The following SPAG16 variants were observed in gnomAD, a reference collection of about 807,000 sequenced individuals.
SPAG16 encodes sperm associated antigen 16.
In SPAG16, 86 loss-of-function variants were observed where a neutral mutation model predicts 80.4. That is an observed-to-expected ratio of 1.07 (90% confidence interval 0.90 to 1.28). The LOEUF (loss-of-function observed/expected upper bound fraction) is 1.28. Ranked by LOEUF, SPAG16 falls within the 50% of genes most tolerant of loss-of-function variation. The pLI is 0.00. For missense variants in SPAG16, 870 were observed against 765.3 expected (o/e 1.14, Z -1.61); for synonymous variants, 294 against 265.9 (o/e 1.11, Z -1.03).
intron 15 of SPAG16, among the ~76,000 whole-genome samples, chr2:214,173,729 G>A (rs913918603): frequency 1.3e-5 from 2 of 151,756 alleles, no homozygotes; most frequent in African/African-American, 4.8e-5. Context: ...ATTTTATGAG[G>A]CCAGCATCAT....
At chr2:214,038,281 G>A (rs554564235) in intron 13 of SPAG16, among the ~76,000 whole-genome samples, 2 of 151,950 alleles carry the variant, frequency 1.3e-5, no homozygotes, top group African/African-American at 4.8e-5. Flanking sequence ...ACATGTTTCT[G>A]TGTTGTTTGC....
intron 10 of SPAG16, among the ~76,000 whole-genome samples, chr2:213,681,894 G>A (rs2064406546): frequency 6.6e-6 from 1 of 152,084 alleles, no homozygotes; most frequent in Non-Finnish European, 1.5e-5. Context: ...CTAAAGATGT[G>A]AAGTTTTCTT....
chr2:213,518,864 A>G (rs566843664), intron 10 of SPAG16, among the ~76,000 whole-genome samples: 14 of 152,368 alleles, frequency 9.2e-5, no homozygotes, highest in South Asian at 2.1e-4. Context: ...AATATTATAC[A>G]TATACACTGT....
intron 10 of SPAG16, among the ~76,000 whole-genome samples, chr2:213,574,698 A>G (rs1181015633): frequency 6.7e-6 from 1 of 148,404 alleles, no homozygotes; most frequent in Non-Finnish European, 1.5e-5. Context: ...TATATATGAT[A>G]TATGATATAT....
intron 10 of SPAG16, among the ~76,000 whole-genome samples, chr2:213,555,298 C>T (rs1182583434): frequency 6.6e-6 from 1 of 152,172 alleles, no homozygotes; most frequent in Non-Finnish European, 1.5e-5. Context: ...ATAATCCTCA[C>T]ACATCAAGGG....
At chr2:213,587,705 TC>T (rs1273612125) in intron 10 of SPAG16, among the ~76,000 whole-genome samples, 1 of 152,206 alleles carries the variant, frequency 6.6e-6, no homozygotes, top group East Asian at 1.9e-4. Flanking sequence ...AGTGTTGCTT[TC>T]CTTCAGATTA....
intron 9 of SPAG16, among the ~76,000 whole-genome samples, chr2:213,394,754 T>A (rs2067947205): frequency 6.6e-6 from 1 of 152,216 alleles, no homozygotes; most frequent in Non-Finnish European, 1.5e-5. Flanking sequence ...ATCCAAGATG[T>A]TGTGTGGATC....
At chr2:213,714,411 T>A (rs569934035) in intron 10 of SPAG16, among the ~76,000 whole-genome samples, 2 of 152,180 alleles carry the variant, frequency 1.3e-5, no homozygotes. Flanking sequence ...CACCCTTTTT[T>A]TTCTTCCTCC....
chr2:214,031,502 G>A (rs2048410455), intron 13 of SPAG16, among the ~76,000 whole-genome samples: 1 of 139,512 alleles, frequency 7.2e-6, no homozygotes, highest in Non-Finnish European at 1.6e-5. Context: ...GCTAAATGAC[G>A]AGTTAATGGG....
At chr2:213,386,587 C>T (rs2067442099) in intron 9 of SPAG16, among the ~76,000 whole-genome samples, 1 of 152,164 alleles carries the variant, frequency 6.6e-6, no homozygotes, top group Admixed American at 6.5e-5. Flanking sequence ...CTTTACTTCT[C>T]AAGCCAGTTG....
chr2:214,230,976 A>G (rs1436284957), intron 15 of SPAG16, among the ~76,000 whole-genome samples: 1 of 152,016 alleles, frequency 6.6e-6, no homozygotes, highest in Non-Finnish European at 1.5e-5. Flanking sequence ...TCCATCCCAA[A>G]GATCTTAAAT....
chr2:214,291,400 G>A (rs956926919), intron 15 of SPAG16, among the ~76,000 whole-genome samples: 5 of 125,084 alleles, frequency 4.0e-5, no homozygotes, highest in Admixed American at 1.1e-4. Context: ...CCGCCTCCCG[G>A]GTTCACGCCA....
chr2:213,755,018 GT>G (rs913160665), intron 10 of SPAG16, among the ~76,000 whole-genome samples: 1 of 152,046 alleles, frequency 6.6e-6, no homozygotes, highest in Admixed American at 6.5e-5. Flanking sequence ...TGTCTAAAAG[GT>G]ACTGAGATGT....
At chr2:214,017,604 G>A (rs368823779) in intron 13 of SPAG16, among the ~76,000 whole-genome samples, 1 of 152,122 alleles carries the variant, frequency 6.6e-6, no homozygotes, top group Non-Finnish European at 1.5e-5. Context: ...GCATACAGCT[G>A]TTTATTGATG....
At chr2:213,881,641 C>G (rs2076348760) in intron 11 of SPAG16, among the ~76,000 whole-genome samples, 1 of 152,192 alleles carries the variant, frequency 6.6e-6, no homozygotes, top group East Asian at 1.9e-4. Context: ...AGTGCCAAGG[C>G]AGGGGGAACA....
chr2:213,841,443 T>A (rs2074362581), intron 10 of SPAG16, among the ~76,000 whole-genome samples: 1 of 152,172 alleles, frequency 6.6e-6, no homozygotes, highest in Non-Finnish European at 1.5e-5. Context: ...TCCAGAAAAA[T>A]TCTCTAACTT....
chr2:214,353,477 T>A (rs1267604812), intron 15 of SPAG16, among the ~76,000 whole-genome samples: 1 of 152,186 alleles, frequency 6.6e-6, no homozygotes, highest in Non-Finnish European at 1.5e-5. Context: ...CCAGAATCAA[T>A]CTGCAAGAGA....
At chr2:214,046,512 A>T (rs759152830) in intron 13 of SPAG16, among the ~76,000 whole-genome samples, 1 of 152,214 alleles carries the variant, frequency 6.6e-6, no homozygotes, top group Non-Finnish European at 1.5e-5. Context: ...ATGAACAAGT[A>T]GGATTTGTTC....
At chr2:213,772,288 A>C (rs557573803) in intron 10 of SPAG16, among the ~76,000 whole-genome samples, 2 of 152,030 alleles carry the variant, frequency 1.3e-5, no homozygotes, top group African/African-American at 4.8e-5. Flanking sequence ...TTGCACATTG[A>C]TTTTGTACCC....
Sources: gnomAD v4.1 joint callset for allele counts (sites outside exome capture counted in the v4.1 genomes callset) on GRCh38, gnomAD v4.1.1 for gene constraint, MANE v1.5 for transcripts, NCBI Gene and HGNC (gene_info 2026-07-23, HGNC 2026-07-21) for gene names.